NDFIP2: variants seen among roughly 807,000 people sequenced by gnomAD.
NDFIP2 encodes Nedd4 family interacting protein 2.
A neutral mutation model predicts 36.0 loss-of-function variants in NDFIP2; 19 were observed. That is an observed-to-expected ratio of 0.53 (90% confidence interval 0.37 to 0.77). NDFIP2 has a LOEUF of 0.77. NDFIP2 is among the 30% of genes least tolerant of loss of function. The pLI is 0.00. For missense variants in NDFIP2, 446 were observed against 435.8 expected, an observed-to-expected ratio of 1.02 and a Z score of -0.21; for synonymous variants, 181 against 167.7, an observed-to-expected ratio of 1.08 and a Z score of -0.61.
intron 6 of NDFIP2, among the ~76,000 whole-genome samples, chr13:79,550,557 T>C (rs753465852): frequency 2.7e-4 from 41 of 151,780 alleles, no homozygotes; most frequent in Admixed American, 1.2e-3. Flanking sequence ...TACAGGCTTA[T>C]TGTTTTTTTC....
intron 1 of NDFIP2, among the ~76,000 whole-genome samples, chr13:79,501,287 C>A (rs1043234649): frequency 4.6e-5 from 7 of 151,918 alleles, no homozygotes; most frequent in Non-Finnish European, 8.8e-5. Context: ...CCAAGAGTGA[C>A]TCTAATGTAA....
At chr13:79,493,094 T>G (rs1435695043) in intron 1 of NDFIP2, among the ~76,000 whole-genome samples, 1 of 152,176 alleles carries the variant, frequency 6.6e-6, no homozygotes, top group African/African-American at 2.4e-5. Context: ...CCCCACTAGA[T>G]TGTAAACTCA....
At chr13:79,514,645 A>G (rs974015798) in intron 1 of NDFIP2, among the ~76,000 whole-genome samples, 3 of 152,224 alleles carry the variant, frequency 2.0e-5, no homozygotes, top group African/African-American at 7.2e-5. Flanking sequence ...TTAGGAGGAA[A>G]ATAGTTGAAC....
intron 3 of NDFIP2, among the ~76,000 whole-genome samples, chr13:79,538,980 G>T (rs964681943): frequency 1.3e-5 from 2 of 152,194 alleles, no homozygotes; most frequent in African/African-American, 4.8e-5. Flanking sequence ...GCTTTGCAGT[G>T]TACAGCTCTG....
At chr13:79,532,036 C>T (rs117613930) in intron 2 of NDFIP2, among the ~76,000 whole-genome samples, 2,366 of 152,280 alleles carry the variant, frequency 0.016, 27 homozygotes, top group Non-Finnish European at 0.023. Context: ...CAGTGTTTAT[C>T]AATTAGGTTT....
intron 2 of NDFIP2, among the ~76,000 whole-genome samples, chr13:79,523,511 C>T (rs1259975262): frequency 5.3e-5 from 8 of 152,180 alleles, no homozygotes; most frequent in African/African-American, 1.7e-4. Flanking sequence ...TGAGCCACTG[C>T]GCCCAGCCCA....
intron 1 of NDFIP2, among the ~76,000 whole-genome samples, chr13:79,493,593 A>G (rs542052056): frequency 1.2e-4 from 19 of 152,260 alleles, no homozygotes; most frequent in African/African-American, 3.8e-4. Context: ...ACAGAAGACT[A>G]TCCGAGGGAG....
At chr13:79,514,911 G>A (rs916273217) in intron 1 of NDFIP2, among the ~76,000 whole-genome samples, 1 of 152,082 alleles carries the variant, frequency 6.6e-6, no homozygotes, top group African/African-American at 2.4e-5. Context: ...ATTTTCAATA[G>A]CAGTTGAGCA....
chr13:79,517,814 T>A (rs575244250), intron 1 of NDFIP2, among the ~76,000 whole-genome samples: 16 of 152,332 alleles, frequency 1.1e-4, no homozygotes, highest in African/African-American at 3.8e-4. Flanking sequence ...GAAAGTAAGT[T>A]GGTCATTCTG....
At chr13:79,545,776 G>C (rs993872686) in intron 5 of NDFIP2, among the ~76,000 whole-genome samples, 1 of 152,012 alleles carries the variant, frequency 6.6e-6, no homozygotes, top group Non-Finnish European at 1.5e-5. Flanking sequence ...TCACTCTGTC[G>C]CCCAGGCTGG....
chr13:79,517,190 A>G (rs1874383640), intron 1 of NDFIP2, among the ~76,000 whole-genome samples: 6 of 152,102 alleles, frequency 3.9e-5, no homozygotes, highest in Admixed American at 3.9e-4. Flanking sequence ...TTTTGTTTTC[A>G]TGTGCTATAT....
intron 5 of NDFIP2, among the ~76,000 whole-genome samples, chr13:79,544,432 A>C (rs1364931648): frequency 6.6e-6 from 1 of 151,860 alleles, no homozygotes. Flanking sequence ...TTGTTCGCAT[A>C]ATCATCCCCC....
At chr13:79,496,671 A>AT (rs1197269357) in intron 1 of NDFIP2, among the ~76,000 whole-genome samples, 1 of 123,386 alleles carries the variant, frequency 8.1e-6, no homozygotes, top group Non-Finnish European at 1.8e-5. Context: ...CAAATTCCAC[A>AT]TAAAAAAAAC....
chr13:79,513,791 A>AAAGTCAT lies in NDFIP2; in HGVS notation c.322-7016_322-7010dup, dbSNP rs531028924. ...TCAGATCGCATTGACCTATTGATAA[A>AAAGTCAT]AAGTCATAATTGTAGGACAGATTTG... On this transcript the variant is annotated intron_variant, in intron 1 of 7. Transcript: ENST00000218652. 1.6e-3 allele frequency among the ~76,000 whole-genome samples: 248 copies of AAAGTCAT among 152,328 alleles called. 2 individuals are homozygous for AAAGTCAT. The highest frequency in any genetic ancestry group is 5.7e-3 in the African/African-American group (237 of 41,572).
In NDFIP2 at chr13:79,547,954, G is replaced by C. The variant is rs529513952; in HGVS notation, c.841-374G>C. ...TTTTGGTGTTAATATCTGAAGCAGC[G>C]GGTTGCTGTAGTGTGTTTGGGATGG... On this transcript the variant is annotated intron_variant, in intron 5 of 7. Transcript: ENST00000218652. Among the ~76,000 whole-genome samples the C allele has an allele frequency of 5.3e-5, 8 of 152,130 alleles. No individual in the cohort carries two copies. In the East Asian group the frequency reaches 1.5e-3, roughly 29 times the overall value.
intron 1 of NDFIP2, among the ~76,000 whole-genome samples, chr13:79,485,251 A>C (rs1872922700): frequency 6.6e-6 from 1 of 152,154 alleles, no homozygotes; most frequent in Non-Finnish European, 1.5e-5. Context: ...AGCAAACAAC[A>C]AACAAACTAG....
rs1378170782 is a variant in NDFIP2, at chr13:79,481,396, G to A, written c.193G>A (p.Ala65Thr). ...GCRNGGGRGP[A>T]ATTSSTGVAV... ...CAGGAACGGAGGCGGAAGGGGCCCT[G>A]CGGCGACGACGTCGTCGACGGGGGT... The change falls in exon 1 of 8, where the codon GCG becomes ACG. Residue 65 changes from alanine to threonine, a missense_variant. Around this residue, in one of 2 missense-constraint regions of NDFIP2, gnomAD observed 369 missense variants for 304.8 expected, o/e 1.21. Coordinates refer to ENST00000218652, the MANE Select transcript of NDFIP2 (RefSeq NM_019080.3). 1 of 1,555,914 alleles carries A rather than the reference G, an allele frequency of 6.4e-7. No homozygotes were observed. Among genetic ancestry groups the A allele is most frequent in the Non-Finnish European group, 8.7e-7 (1 of 1,149,660 alleles).
At chr13:79,531,935 G>A (rs1046784111) in intron 2 of NDFIP2, among the ~76,000 whole-genome samples, 1 of 152,166 alleles carries the variant, frequency 6.6e-6, no homozygotes, top group African/African-American at 2.4e-5. Flanking sequence ...TCTGGCTTTC[G>A]GTGTATCTTG....
chr13:79,520,579 C>T (rs1874530680), intron 1 of NDFIP2, among the ~76,000 whole-genome samples: 1 of 152,082 alleles, frequency 6.6e-6, no homozygotes, highest in Admixed American at 6.5e-5. Context: ...ATTTGACCTT[C>T]CTCTTTATTG....
Sources: gnomAD v4.1 joint callset for allele counts (sites outside exome capture counted in the v4.1 genomes callset) on GRCh38, gnomAD v4.1.1 for gene constraint, gnomAD v4.1.1 regional missense constraint, MANE v1.5 for transcripts, NCBI Gene and HGNC (gene_info 2026-07-23, HGNC 2026-07-21) for gene names.